The following NR4A1 variants were observed in gnomAD, a reference collection of about 807,000 sequenced individuals.
The protein encoded by NR4A1 is nuclear receptor subfamily 4 group A member 1.
NR4A1 carries 24 observed loss-of-function variants against 47.5 expected under a neutral mutation model. The ratio of observed to expected loss-of-function variants is 0.50; its 90% confidence interval spans 0.37 to 0.71. The LOEUF (loss-of-function observed/expected upper bound fraction) is 0.71, where lower values mean the gene tolerates loss of function less well. Among genes scored for constraint, NR4A1 ranks in the 30% least tolerant of loss-of-function variants. The pLI, the probability that NR4A1 is intolerant of heterozygous loss-of-function variation, is 0.00. For synonymous variants in NR4A1, 353 were observed against 345.7 expected (o/e 1.02, Z -0.24); for missense variants, 669 against 788.6 (o/e 0.85, Z 1.82).
chr12:52,047,413 G>A (rs773376602), upstream of NR4A1, among the ~76,000 whole-genome samples: 2 of 152,204 alleles, frequency 1.3e-5, no homozygotes, highest in Non-Finnish European at 2.9e-5. Flanking sequence ...CACCTCTCTC[G>A]CCTTTATCTT....
intron 1 of NR4A1, among the ~76,000 whole-genome samples, chr12:52,028,518 G>C (rs925446580): frequency 6.6e-6 from 1 of 151,880 alleles, no homozygotes; most frequent in Non-Finnish European, 1.5e-5. Context: ...AGGTTGCAGT[G>C]AGCTGAGATT....
chr12:52,044,468 C>T (rs760393562), intron 2 of NR4A1, among the ~76,000 whole-genome samples: 4 of 152,222 alleles, frequency 2.6e-5, no homozygotes, highest in African/African-American at 7.2e-5. Context: ...GCTCCGGGAC[C>T]TGGGCCAGGG....
At position 52,051,552 on chromosome 12, in the gene NR4A1, C is replaced by A; in HGVS notation, c.-19C>A. 1.0e-6 allele frequency: 1 copy of A among 986,112 alleles called. No individual in the cohort carries two copies. Among genetic ancestry groups the A allele is most frequent in the Non-Finnish European group, 1.2e-6 (1 of 830,438 alleles). The allele number at this position is 986,112 out of a possible 1,614,324, so 61.1% of individuals were successfully genotyped here. On this transcript the variant is annotated 5_prime_UTR_variant, in exon 1 of 7. Transcript: ENST00000394825. ...CTCGGGGCGCCAGTCCGGGCAGGGG[C>A]AGCGGGAGCCGGCCGGGTAGGTTCC...
At chr12:52,023,600 CGGGCG>C (rs1937934273) in intron 1 of NR4A1, among the ~76,000 whole-genome samples, 1 of 151,942 alleles carries the variant, frequency 6.6e-6, no homozygotes, top group Non-Finnish European at 1.5e-5. Flanking sequence ...GCCGCAGACA[CGGGCG>C]CCTCTGCACT....
At chr12:52,044,142 T>C (rs1001002349) in intron 2 of NR4A1, among the ~76,000 whole-genome samples, 2 of 152,236 alleles carry the variant, frequency 1.3e-5, no homozygotes, top group Admixed American at 1.3e-4. Context: ...TAATGCAGTC[T>C]AGCTCCTTTC....
Position 52,058,830 on chromosome 12 carries a change from G to T in NR4A1, c.1683G>T (p.Glu561Asp), listed in dbSNP as rs1939413249. The change falls in exon 7 of 7, where the codon GAG (glutamate) becomes GAT (aspartate). Residue 561 changes from glutamate to aspartate, a missense_variant. Glu to Asp is a conservative substitution (Grantham distance 45). Coordinates refer to ENST00000394825, the MANE Select transcript of NR4A1 (RefSeq NM_173157.3). ...CACGTCTGTTGGGCAAACTGCCCGA[G>T]CTGCGGACCCTGTGCACCCAGGGCC... ...CLSRLLGKLP[E>D]LRTLCTQGLQ... 6.2e-7 allele frequency: 1 copy of T among 1,613,970 alleles called. No homozygotes were observed. Among genetic ancestry groups the T allele is most frequent in the Non-Finnish European group, 8.5e-7 (1 of 1,179,996 alleles).
At chr12:52,051,758 G>A (rs1938965133) in intron 1 of NR4A1, among the ~76,000 whole-genome samples, 190 bp downstream of exon 1, 1 of 152,186 alleles carries the variant, frequency 6.6e-6, no homozygotes. Flanking sequence ...GGAGGTAGGG[G>A]AGGTTGACTA....
At chr12:52,037,149 C>A (rs1423243352) in intron 1 of NR4A1, 1 of 147,728 alleles carries the variant, frequency 6.8e-6, no homozygotes. Flanking sequence ...GGAGGCGCGC[C>A]GGGGCTGGGA....
chr12:52,027,281 C>T (rs2120908304), intron 1 of NR4A1, among the ~76,000 whole-genome samples: 1 of 152,382 alleles, frequency 6.6e-6, no homozygotes, highest in South Asian at 2.1e-4. Context: ...GGAGCATCAG[C>T]TGACCGCCCT....
At chr12:52,043,423 G>T in intron 2 of NR4A1, 1 of 213,304 alleles carries the variant, frequency 4.7e-6, no homozygotes, top group Non-Finnish European at 9.6e-6. Context: ...GGTGGTGATT[G>T]GGTGGAACTC....
At chr12:52,048,163 A>G (rs577023309), upstream of NR4A1, among the ~76,000 whole-genome samples, 2 of 151,806 alleles carry the variant, frequency 1.3e-5, no homozygotes, top group East Asian at 3.9e-4. Context: ...AAAACAAAAC[A>G]AAAACAAAAA....
chr12:52,023,918 C>G (rs1021999047), intron 1 of NR4A1, among the ~76,000 whole-genome samples: 7 of 152,238 alleles, frequency 4.6e-5, no homozygotes, highest in African/African-American at 1.7e-4. Flanking sequence ...GCCCCCGGCC[C>G]GGCTCCTGGA....
intron 1 of NR4A1, chr12:52,037,529 G>A (rs546228861): frequency 1.4e-5 from 14 of 980,794 alleles, no homozygotes; most frequent in South Asian, 4.7e-5. Flanking sequence ...GGGCGGGCTC[G>A]GGGCCACGCC....
intron 1 of NR4A1, among the ~76,000 whole-genome samples, chr12:52,026,810 G>A (rs1207194257): frequency 6.6e-6 from 1 of 151,948 alleles, no homozygotes; most frequent in Non-Finnish European, 1.5e-5. Context: ...ACCAAACTAG[G>A]CCTGCAGGAG....
At chr12:52,057,821 C>T (rs1939356234) in intron 6 of NR4A1, among the ~76,000 whole-genome samples, 1 of 152,168 alleles carries the variant, frequency 6.6e-6, no homozygotes, top group Admixed American at 6.5e-5. Context: ...TAAAACCTTC[C>T]TGTCAATTAT....
chr12:52,056,816 C>T (rs1939297023), intron 4 of NR4A1, 171 bp downstream of exon 4: 1 of 906,426 alleles, frequency 1.1e-6, no homozygotes, highest in East Asian at 2.7e-5. Flanking sequence ...GAGGATCCCC[C>T]TCTCGGCTGA....
chr12:52,056,263 G>A (rs1215390094), intron 3 of NR4A1, 104 bp downstream of exon 3: 25 of 1,465,060 alleles, frequency 1.7e-5, no homozygotes, highest in South Asian at 2.8e-5. Context: ...AGGAGGGCAC[G>A]TCTTATTTCC....
At chr12:52,031,703 C>T (rs1340504636) in intron 1 of NR4A1, among the ~76,000 whole-genome samples, 2 of 151,948 alleles carry the variant, frequency 1.3e-5, no homozygotes, top group Non-Finnish European at 2.9e-5. Flanking sequence ...CCATCCCTTG[C>T]GAAAATTACA....
upstream of NR4A1, among the ~76,000 whole-genome samples, chr12:52,048,399 C>T (rs1279907611): frequency 1.3e-5 from 2 of 151,914 alleles, no homozygotes; most frequent in African/African-American, 4.8e-5. Context: ...TCAAGACCAT[C>T]CTGGCTAACA....
Sources: gnomAD v4.1 joint callset for allele counts (sites outside exome capture counted in the v4.1 genomes callset) on GRCh38, gnomAD v4.1.1 for gene constraint, MANE v1.5 for transcripts, NCBI Gene and HGNC (gene_info 2026-07-23, HGNC 2026-07-21) for gene names.